The following NDUFA10 variants were observed in gnomAD, a reference collection of about 807,000 sequenced individuals.
NDUFA10 encodes the protein NADH:ubiquinone oxidoreductase subunit A10.
A neutral mutation model predicts 47.8 loss-of-function variants in NDUFA10; 40 were observed. The ratio of observed to expected loss-of-function variants is 0.84; its 90% confidence interval spans 0.65 to 1.09. The LOEUF (loss-of-function observed/expected upper bound fraction) is 1.09, where lower values mean the gene tolerates loss of function less well. Among genes scored for constraint, NDUFA10 ranks in the 50% least tolerant of loss-of-function variants. The pLI, the probability that NDUFA10 is intolerant of heterozygous loss-of-function variation, is 0.00. For synonymous variants in NDUFA10, 183 were observed against 172.2 expected (o/e 1.06, Z -0.49); for missense variants, 413 against 451.1 (o/e 0.92, Z 0.76).
At chr2:239,994,469 G>A (rs1326677799) in intron 8 of NDUFA10, among the ~76,000 whole-genome samples, 2 of 151,910 alleles carry the variant, frequency 1.3e-5, no homozygotes, top group African/African-American at 2.4e-5. Flanking sequence ...CCCCAGATGG[G>A]ACCATCTAGT....
At position 239,958,442 on chromosome 2, in the gene NDUFA10, G is replaced by A. The variant is rs1484211921; in HGVS notation, c.*2676C>T. On this transcript the variant is annotated 3_prime_UTR_variant, in exon 10 of 10. Coordinates refer to ENST00000252711, the MANE Select transcript of NDUFA10 (RefSeq NM_004544.4). ...AGCTTCTTCCACTTCTGCTGTAGCAGAGAAACCACCACGAATTCAATTGAA... is the reference window on the plus strand; with the variant it reads ...AGCTTCTTCCACTTCTGCTGTAGCAAAGAAACCACCACGAATTCAATTGAA... 2.0e-5 allele frequency: 3 copies of A among 152,268 alleles called. No homozygotes were observed. Among genetic ancestry groups the A allele is most frequent in the African/African-American group, 4.8e-5 (2 of 41,474 alleles). The allele number at this position is 152,268 out of a possible 1,614,324, so 9.4% of individuals were successfully genotyped here.
Position 239,987,280 on chromosome 2 carries a change from A to G in NDUFA10, c.999+2794T>C, listed in dbSNP as rs1696037367. 1.3e-5 allele frequency among the ~76,000 whole-genome samples: 2 copies of G among 152,112 alleles called. No individual in the cohort carries two copies. The highest frequency in any genetic ancestry group is 4.2e-4 in the South Asian group (2 of 4,804). On this transcript the variant is annotated intron_variant, in intron 9 of 9. Coordinates refer to ENST00000252711, the MANE Select transcript of NDUFA10 (RefSeq NM_004544.4). This position sits in a 1 kb window ranked among gnomAD's most constrained non-coding sequence, Gnocchi z 4.8. ...GTGGAGGAGAACACCCTTGTTTGTG[A>G]GAATTACACATTCAAGCCACGATTC...
intron 9 of NDUFA10, among the ~76,000 whole-genome samples, chr2:239,983,114 A>G (rs561631971): frequency 1.3e-5 from 2 of 152,318 alleles, no homozygotes; most frequent in South Asian, 4.1e-4. Context: ...GTCAGAATGA[A>G]GCTCCCTGAG....
chr2:239,968,053 G>A (rs1362631527), intron 9 of NDUFA10, among the ~76,000 whole-genome samples: 4 of 151,110 alleles, frequency 2.6e-5, no homozygotes, highest in African/African-American at 9.8e-5. Flanking sequence ...CTGGTGAAAC[G>A]CTGTGTCCTA....
At chr2:239,898,926 GGAGGGGTGT>G (rs1693455710) in intron 4 of NDUFA10, among the ~76,000 whole-genome samples, 2 of 151,080 alleles carry the variant, frequency 1.3e-5, no homozygotes, top group Non-Finnish European at 3.0e-5. Context: ...AGGTTGTGAT[GGAGGGGTGT>G]GACGGAGGGG....
rs1357600053 is a variant in NDUFA10 at position 239,959,074 on chromosome 2, C to A, written c.*2044G>T. 3 of 985,352 alleles carry A rather than the reference C, an allele frequency of 3.0e-6. No homozygotes were observed. The African/African-American group carries it at 5.2e-5, about 17-fold the overall frequency. 61.0% of individuals were successfully genotyped at this position (985,352 alleles called of 1,614,324 possible). On this transcript the variant is annotated 3_prime_UTR_variant, in exon 10 of 10. Coordinates refer to ENST00000252711, the MANE Select transcript of NDUFA10 (RefSeq NM_004544.4). ...GAAGAATTGGACAGTGTTTATTCAT[C>A]TTTCTCTGCTGAACATGCATGTCAT...
At chr2:239,980,685 G>A (rs1695736692) in intron 9 of NDUFA10, among the ~76,000 whole-genome samples, 2 of 152,186 alleles carry the variant, frequency 1.3e-5, no homozygotes, top group African/African-American at 2.4e-5. Flanking sequence ...AAAACCTCTG[G>A]AAATGCTTCT....
downstream of NDUFA10, among the ~76,000 whole-genome samples, chr2:239,953,605 A>G (rs946798450): frequency 6.1e-5 from 9 of 148,630 alleles, no homozygotes; most frequent in South Asian, 1.9e-3. Flanking sequence ...AGCTCTGGAC[A>G]CTCACAGTTT....
chr2:239,896,679 A>G (rs1342325030), intron 4 of NDUFA10, among the ~76,000 whole-genome samples: 1 of 152,344 alleles, frequency 6.6e-6, no homozygotes, highest in Admixed American at 6.5e-5. Context: ...ATTTGATGCT[A>G]TAGAGGTAAA....
At chr2:239,982,203 G>C (rs375276431) in intron 9 of NDUFA10, 1 of 1,612,838 alleles carries the variant, frequency 6.2e-7, no homozygotes, top group Non-Finnish European at 8.5e-7. Flanking sequence ...AGCCCGCTGC[G>C]GGTAGGGGAT....
At chr2:239,969,624 T>A (rs996161053) in intron 9 of NDUFA10, 1 of 471,026 alleles carries the variant, frequency 2.1e-6, no homozygotes, top group Non-Finnish European at 4.4e-6. Flanking sequence ...TCTTTCTTCC[T>A]GTCTCTTGTC....
At chr2:240,022,764 C>T (rs1440908104) in intron 1 of NDUFA10, among the ~76,000 whole-genome samples, 1 of 152,024 alleles carries the variant, frequency 6.6e-6, no homozygotes, top group African/African-American at 2.4e-5. Flanking sequence ...CTTCTGTCCC[C>T]ATGTCCTGAC....
At chr2:239,955,615 C>G (rs1694637292), downstream of NDUFA10, among the ~76,000 whole-genome samples, 1 of 152,216 alleles carries the variant, frequency 6.6e-6, no homozygotes, top group African/African-American at 2.4e-5. Context: ...TTGCCAGACA[C>G]CCATCCAGAA....
chr2:239,936,912 G>A (rs1293838532), intron 4 of NDUFA10, among the ~76,000 whole-genome samples: 3 of 152,182 alleles, frequency 2.0e-5, no homozygotes, highest in South Asian at 4.1e-4. Context: ...GTGAGCCACA[G>A]TCGCGCCACT....
intron 4 of NDUFA10, among the ~76,000 whole-genome samples, chr2:239,898,284 T>A (rs1693437886): frequency 6.6e-6 from 1 of 152,224 alleles, no homozygotes; most frequent in African/African-American, 2.4e-5. Context: ...CAGTGGCATT[T>A]CCTACAGTAC....
chr2:240,004,465 C>A (rs1696857474), intron 8 of NDUFA10, among the ~76,000 whole-genome samples: 1 of 149,656 alleles, frequency 6.7e-6, no homozygotes, highest in African/African-American at 2.6e-5. Context: ...AGAAGAAAAC[C>A]CACCAAACGC....
rs563884166 is a variant in NDUFA10 at position 240,016,310 on chromosome 2, G to A, written c.548-1450C>T. ...GGGTCTGCTTCCTGACTGCTGGACC[G>A]GTAGCAGGCCGGTCTCTCCTGCTGC... On this transcript the variant is annotated intron_variant, in intron 4 of 9. Transcript: ENST00000252711. The surrounding 1 kb of genome is among the most constrained non-coding windows in gnomAD (Gnocchi z 4.4). Among the ~76,000 whole-genome samples the A allele has an allele frequency of 1.8e-4, 28 of 152,262 alleles. No homozygotes were observed. Among genetic ancestry groups the A allele is most frequent in the Admixed American group, 3.9e-4 (6 of 15,308 alleles).
At chr2:239,961,385 G>T (rs1694848370) in intron 9 of NDUFA10, among the ~76,000 whole-genome samples, 199 bp from the exon 10 acceptor site, 1 of 152,226 alleles carries the variant, frequency 6.6e-6, no homozygotes, top group Non-Finnish European at 1.5e-5. Flanking sequence ...AGCCCTGCCT[G>T]CCAGAAGCTT....
chr2:239,979,071 A>C (rs576213151), intron 9 of NDUFA10, among the ~76,000 whole-genome samples: 32 of 152,304 alleles, frequency 2.1e-4, no homozygotes, highest in Non-Finnish European at 3.7e-4. Flanking sequence ...CCAGCGTCAC[A>C]CCACTCCCTG....
Sources: allele counts gnomAD v4.1 joint callset (sites outside exome capture counted in the v4.1 genomes callset), GRCh38; gene constraint gnomAD v4.1.1; non-coding constraint Gnocchi (gnomAD v3.1); transcripts MANE v1.5; gene names NCBI Gene and HGNC (gene_info 2026-07-23, HGNC 2026-07-21).